Variants in KYNU observed in about 807,000 individuals in gnomAD.
KYNU encodes kynureninase.
KYNU carries 54 observed loss-of-function variants against 59.2 expected under a neutral mutation model. That is an observed-to-expected ratio of 0.91 (90% CI 0.73 to 1.14). The LOEUF (loss-of-function observed/expected upper bound fraction) is 1.14. Ranked by LOEUF, KYNU falls within the 50% of genes most tolerant of loss-of-function variation. The probability of loss-of-function intolerance (pLI) is 0.00; values close to 1 mark genes in which losing one functional copy is unlikely to be tolerated. For missense variants in KYNU, 567 were observed against 554.4 expected (o/e 1.02, Z -0.23); for synonymous variants, 177 against 192.0 (o/e 0.92, Z 0.65).
chr2:143,012,376 G>A (rs879068172), intron 10 of KYNU, among the ~76,000 whole-genome samples: 3 of 151,696 alleles, frequency 2.0e-5, no homozygotes, highest in African/African-American at 7.3e-5. Flanking sequence ...CCAGCTACTC[G>A]GGAGGCTGAG....
At chr2:142,988,829 A>C (rs901982325) in intron 10 of KYNU, 1 of 1,573,436 alleles carries the variant, frequency 6.4e-7, no homozygotes, top group South Asian at 1.1e-5. Flanking sequence ...CTTATATTGT[A>C]CTTCATTTGC....
At chr2:142,938,539 C>T (rs1683469423) in intron 4 of KYNU, among the ~76,000 whole-genome samples, 1 of 152,136 alleles carries the variant, frequency 6.6e-6, no homozygotes, top group South Asian at 2.1e-4. Context: ...GGCCAAAATG[C>T]GGTGATTAGC....
chr2:142,960,563 A>G (rs1390961603), intron 7 of KYNU, 61 bp from the exon 8 acceptor site: 3 of 1,489,196 alleles, frequency 2.0e-6, no homozygotes, highest in Non-Finnish European at 2.8e-6. Flanking sequence ...TTAGATCGGC[A>G]ATATGAAATT....
rs1432112778 is a variant in KYNU at position 142,927,378 on chromosome 2, CA to C, written c.291-274del. The stretch of plus-strand genomic sequence containing the variant: ...TTAAAAATTGCAAAATAACTGAGAC[CA>C]AAAAAATTAGACTCTAGAATATAGC... On this transcript the variant is annotated intron_variant, in intron 3 of 13. Coordinates refer to ENST00000264170, the MANE Select transcript of KYNU (RefSeq NM_003937.3). Among the ~76,000 whole-genome samples the C allele has an allele frequency of 2.0e-5, 3 of 151,650 alleles. No homozygotes were observed. In the South Asian group the frequency reaches 6.3e-4, roughly 32 times the overall value.
intron 1 of KYNU, among the ~76,000 whole-genome samples, chr2:142,885,036 T>C (rs1355212094): frequency 1.5e-5 from 2 of 130,376 alleles, no homozygotes; most frequent in East Asian, 5.0e-4. Context: ...CCATTTTTTG[T>C]ATTTTTTTAG....
chr2:142,968,185 A>G (rs1402489600), intron 8 of KYNU, among the ~76,000 whole-genome samples: 1 of 152,206 alleles, frequency 6.6e-6, no homozygotes, highest in Non-Finnish European at 1.5e-5. Context: ...TTTGGTCAGT[A>G]AATTATAATA....
intron 2 of KYNU, among the ~76,000 whole-genome samples, chr2:142,894,370 A>C (rs1681802466): frequency 6.6e-6 from 1 of 152,220 alleles, no homozygotes; most frequent in Non-Finnish European, 1.5e-5. Flanking sequence ...CACCACCAGG[A>C]AATTTAATAT....
rs1339385249 is a variant in KYNU, at chr2:143,042,996, A to G, written c.*824A>G. On this transcript the variant is annotated 3_prime_UTR_variant, in exon 14 of 14. Coordinates refer to ENST00000264170, the MANE Select transcript of KYNU (RefSeq NM_003937.3). ...TACAATTATTTGCCTGTGCTCTAAT[A>G]GGTACTATTCTATTTTATCTCATAA... 6.6e-6 allele frequency: 1 copy of G among 151,932 alleles called. No homozygotes were observed. Among genetic ancestry groups the G allele is most frequent in the Non-Finnish European group, 1.5e-5 (1 of 67,924 alleles). 9.4% of individuals were successfully genotyped at this position (151,932 alleles called of 1,614,324 possible).
At chr2:142,981,618 T>C (rs1685054608) in intron 8 of KYNU, among the ~76,000 whole-genome samples, 1 of 152,062 alleles carries the variant, frequency 6.6e-6, no homozygotes, top group Non-Finnish European at 1.5e-5. Flanking sequence ...AATGGAGCAC[T>C]TGTCTTATTT....
intron 8 of KYNU, among the ~76,000 whole-genome samples, chr2:142,977,588 ATT>A (rs564054086): frequency 1.7e-4 from 26 of 151,822 alleles, no homozygotes; most frequent in South Asian, 1.0e-3. Context: ...GTTGATTTTC[ATT>A]TTCTATTGTT....
chr2:142,987,207 T>G (rs938065400), intron 10 of KYNU, among the ~76,000 whole-genome samples: 1 of 151,898 alleles, frequency 6.6e-6, no homozygotes, highest in Non-Finnish European at 1.5e-5. Context: ...TTTTGTATGA[T>G]GACTCACAAC....
chr2:143,032,444 T>C (rs1314244546), intron 11 of KYNU, among the ~76,000 whole-genome samples: 1 of 152,120 alleles, frequency 6.6e-6, no homozygotes, highest in Non-Finnish European at 1.5e-5. Context: ...GGGATTACAA[T>C]TCAAGATGAG....
At chr2:142,906,545 A>C (rs1450389267) in intron 2 of KYNU, among the ~76,000 whole-genome samples, 4 of 152,166 alleles carry the variant, frequency 2.6e-5, no homozygotes, top group Non-Finnish European at 1.5e-5. Flanking sequence ...TTCATAGCCT[A>C]GATGCCTAAG....
intron 8 of KYNU, among the ~76,000 whole-genome samples, chr2:142,967,088 T>C (rs964893750): frequency 6.6e-6 from 1 of 152,144 alleles, no homozygotes; most frequent in Non-Finnish European, 1.5e-5. Flanking sequence ...ATAGTCTTAT[T>C]TTTAAAAAAC....
At chr2:142,907,558 G>A (rs377202583) in intron 2 of KYNU, among the ~76,000 whole-genome samples, 85 of 152,274 alleles carry the variant, frequency 5.6e-4, no homozygotes, top group African/African-American at 2.0e-3. Flanking sequence ...TAACAAATAC[G>A]GACAAGAAGA....
intron 3 of KYNU, 147 bp downstream of exon 3, chr2:142,918,876 C>A (rs1434809143): frequency 2.3e-6 from 2 of 870,084 alleles, no homozygotes; most frequent in Non-Finnish European, 3.6e-6. Flanking sequence ...TCCAGGGCCT[C>A]CCTATCATTC....
intron 10 of KYNU, among the ~76,000 whole-genome samples, chr2:142,995,931 G>A (rs1374218727): frequency 3.3e-5 from 5 of 151,850 alleles, no homozygotes; most frequent in South Asian, 2.1e-4. Flanking sequence ...GCACTAGTTC[G>A]GTGTTCTCTA....
intron 12 of KYNU, among the ~76,000 whole-genome samples, chr2:143,034,041 A>G (rs1476633971): frequency 6.6e-6 from 1 of 151,930 alleles, no homozygotes; most frequent in Non-Finnish European, 1.5e-5. Flanking sequence ...ACATAACAAG[A>G]AAATGAAATT....
intron 1 of KYNU, among the ~76,000 whole-genome samples, chr2:142,881,935 T>TTTTTTTG (rs70997527): frequency 8.5e-6 from 1 of 117,918 alleles, no homozygotes; most frequent in Non-Finnish European, 1.9e-5. Context: ...TTTTTTTTTT[T>TTTTTTTG]GTAGAGATGA....
Sources: gnomAD v4.1 joint callset for allele counts (sites outside exome capture counted in the v4.1 genomes callset) on GRCh38, gnomAD v4.1.1 for gene constraint, MANE v1.5 for transcripts, NCBI Gene and HGNC (gene_info 2026-07-23, HGNC 2026-07-21) for gene names.